MYH15: variants seen among roughly 807,000 people sequenced by gnomAD.
MYH15 encodes the protein myosin heavy chain 15.
Under a neutral mutation model 240.5 loss-of-function variants are expected in MYH15, and 227 were observed. That is an observed-to-expected ratio of 0.94 (90% confidence interval 0.85 to 1.05). The LOEUF is 1.05. Ranked by LOEUF, MYH15 falls within the 50% of genes least tolerant of loss-of-function variation. MYH15 has a pLI of 0.00. For synonymous variants in MYH15, 785 were observed against 796.7 expected (o/e 0.99, Z 0.25); for missense variants, 2,217 against 2,247.5 (o/e 0.99, Z 0.27).
intron 29 of MYH15, 123 bp from the exon 30 acceptor site, chr3:108,414,551 T>G: frequency 1.3e-6 from 1 of 779,278 alleles, no homozygotes; most frequent in Non-Finnish European, 2.0e-6. Flanking sequence ...AAGCCGAACC[T>G]GAACCTAGTA....
At chr3:108,438,156 G>T (rs141779854) in intron 24 of MYH15, among the ~76,000 whole-genome samples, 142 of 152,284 alleles carry the variant, frequency 9.3e-4, no homozygotes, top group Middle Eastern at 3.4e-3. Flanking sequence ...GTTTCCGCAT[G>T]ATCATCCTTA....
At chr3:108,526,304 C>G (rs1023977142) in intron 1 of MYH15, among the ~76,000 whole-genome samples, 4 of 152,272 alleles carry the variant, frequency 2.6e-5, no homozygotes, top group East Asian at 3.9e-4. Context: ...GCACATAGAG[C>G]TTCTATTAGT....
intron 23 of MYH15, 137 bp downstream of exon 23, chr3:108,440,881 G>C: frequency 4.8e-6 from 5 of 1,045,052 alleles, no homozygotes; most frequent in Non-Finnish European, 7.1e-6. Flanking sequence ...TTTTGTGCCA[G>C]TTCTGACTCT....
chr3:108,476,314 A>C, intron 12 of MYH15, 83 bp downstream of exon 12: 1 of 824,498 alleles, frequency 1.2e-6, no homozygotes, highest in Non-Finnish European at 1.9e-6. Context: ...AAACATCCTT[A>C]GTAGTTGAAA....
In MYH15 at chr3:108,383,643, TTCTGCCACC is replaced by T. The variant is rs1200025849; in HGVS notation, c.5709_5717del (p.Val1904_Glu1906del). On this transcript the variant is annotated inframe_deletion, in exon 40 of 41. Coordinates refer to ENST00000693548, the MANE Select transcript of MYH15 (RefSeq NM_014981.3). Reference sequence around the variant, plus strand: ...TAATTTTGAGTTTATTGACTTGAGATTCTGCCACCTCTGCCCTTTCCTTCACTTCATTCA... The same window carrying T: ...TAATTTTGAGTTTATTGACTTGAGATTCTGCCCTTTCCTTCACTTCATTCA... 1 of 1,613,476 alleles carries T rather than the reference TTCTGCCACC, an allele frequency of 6.2e-7. No homozygotes were observed. The highest frequency in any genetic ancestry group is 1.1e-5 in the South Asian group (1 of 91,010).
chr3:108,383,803 A>T, intron 39 of MYH15, 74 bp from the exon 40 acceptor site: 1 of 1,199,670 alleles, frequency 8.3e-7, no homozygotes, highest in Non-Finnish European at 1.1e-6. Flanking sequence ...CTGCTCTGAC[A>T]TGAGAAAGTT....
intron 6 of MYH15, among the ~76,000 whole-genome samples, chr3:108,497,017 C>T (rs547321491): frequency 9.9e-5 from 15 of 151,432 alleles, no homozygotes; most frequent in Non-Finnish European, 1.8e-4. Context: ...AAAAATTAGC[C>T]GGGCACGGTG....
At chr3:108,480,282 A>C (rs568127355) in intron 11 of MYH15, among the ~76,000 whole-genome samples, 5 of 152,342 alleles carry the variant, frequency 3.3e-5, no homozygotes, top group Non-Finnish European at 7.3e-5. Flanking sequence ...GAGTTTCCTT[A>C]ACAATGAACA....
rs184069203 is a variant in MYH15, at chr3:108,417,555, A to C, written c.3830-625T>G. ...TTTTATAGACTGAAATGCTAAATAA[A>C]TATTAGCAGTAGTCACTAAATGGTA... On this transcript the variant is annotated intron_variant, in intron 28 of 40. Transcript: ENST00000693548. 1.2e-4 allele frequency among the ~76,000 whole-genome samples: 19 copies of C among 152,314 alleles called. No homozygotes were observed. In the East Asian group the frequency reaches 3.3e-3, roughly 26 times the overall value.
upstream of MYH15, among the ~76,000 whole-genome samples, chr3:108,513,570 C>T (rs533758923): frequency 6.6e-6 from 1 of 152,240 alleles, no homozygotes; most frequent in East Asian, 1.9e-4. Flanking sequence ...CAATTCATCA[C>T]CCAAACCTGG....
chr3:108,381,472 AC>A lies in MYH15; in HGVS notation c.*72del. On this transcript the variant is annotated 3_prime_UTR_variant, in exon 41 of 41. Transcript: ENST00000693548. ...ATGTTTTTAAAAATGTTTCCATGCAACCTAAGTTTTTGGCCATGAAACAGCA... is the reference window on the plus strand; with the variant it reads ...ATGTTTTTAAAAATGTTTCCATGCAACTAAGTTTTTGGCCATGAAACAGCA... 6.6e-7 allele frequency: 1 copy of A among 1,520,714 alleles called. No individual in the cohort carries two copies. Among genetic ancestry groups the A allele is most frequent in the Non-Finnish European group, 9.1e-7 (1 of 1,095,558 alleles). 94.2% of individuals were successfully genotyped at this position (1,520,714 alleles called of 1,614,324 possible).
chr3:108,439,651 C>T (rs2082869102), intron 24 of MYH15, 86 bp downstream of exon 24: 3 of 1,191,792 alleles, frequency 2.5e-6, no homozygotes, highest in Non-Finnish European at 2.2e-6. Flanking sequence ...TTTTCTGAAA[C>T]TGTCAAGATA....
chr3:108,400,557 T>C (rs7646379), intron 33 of MYH15, among the ~76,000 whole-genome samples: 8,435 of 152,284 alleles, frequency 0.055, 752 homozygotes, highest in African/African-American at 0.19. Context: ...CCGGGCGCAG[T>C]GGCTCACACC....
chr3:108,411,037 C>T lies in MYH15; in HGVS notation c.4146-105G>A, dbSNP rs184567552. The T allele has an allele frequency of 5.4e-5, 51 of 949,962 alleles. 1 individual carries two copies. The highest frequency in any genetic ancestry group is 1.0e-4 in the South Asian group (6 of 57,542). The allele number at this position is 949,962 out of a possible 1,614,324, so 58.8% of individuals were successfully genotyped here. On this transcript the variant is annotated intron_variant, in intron 30 of 40. Coordinates refer to ENST00000693548, the MANE Select transcript of MYH15 (RefSeq NM_014981.3). ...AGAGCTTGGGTGCAAAGTAAGATGGCGCCTCTGCAGTGGACTTAGTGGTAT... is the reference window on the plus strand; with the variant it reads ...AGAGCTTGGGTGCAAAGTAAGATGGTGCCTCTGCAGTGGACTTAGTGGTAT...
chr3:108,422,228 T>C (rs1045467249), intron 27 of MYH15, among the ~76,000 whole-genome samples: 3 of 151,034 alleles, frequency 2.0e-5, no homozygotes, highest in Non-Finnish European at 4.4e-5. Flanking sequence ...ATCTTTTTTT[T>C]TTTTTTTTGA....
chr3:108,441,355 C>T, intron 22 of MYH15, 95 bp from the exon 23 acceptor site: 1 of 1,388,976 alleles, frequency 7.2e-7, no homozygotes, highest in East Asian at 2.3e-5. Context: ...AGATAATTGC[C>T]TGCCCTCTGC....
intron 1 of MYH15, among the ~76,000 whole-genome samples, chr3:108,509,616 A>T (rs144191165): frequency 6.6e-6 from 1 of 152,340 alleles, no homozygotes; most frequent in African/African-American, 2.4e-5. Context: ...TCTGAATACT[A>T]GAACGACATT....
At chr3:108,534,716 AT>A in the MYH15 span, among the ~76,000 whole-genome samples, 39,192 of 103,334 alleles carry the variant, frequency 0.38, 6,054 homozygotes, top group Non-Finnish European at 0.49. Context: ...AAAAAAAAAA[AT>A]TTTTTTTTTT....
At chr3:108,419,019 C>G (rs2082660262) in intron 28 of MYH15, among the ~76,000 whole-genome samples, 1 of 152,174 alleles carries the variant, frequency 6.6e-6, no homozygotes, top group African/African-American at 2.4e-5. Context: ...TCCCAAAATT[C>G]TGGGATTACA....
Sources: allele counts gnomAD v4.1 joint callset (sites outside exome capture counted in the v4.1 genomes callset), GRCh38; gene constraint gnomAD v4.1.1; transcripts MANE v1.5; gene names NCBI Gene and HGNC (gene_info 2026-07-23, HGNC 2026-07-21).